Variants in SLC44A3 observed in about 807,000 individuals in gnomAD.
SLC44A3 encodes solute carrier family 44 member 3.
Under a neutral mutation model 75.4 loss-of-function variants are expected in SLC44A3, and 74 were observed. That is an observed-to-expected ratio of 0.98 (90% CI 0.81 to 1.19). The LOEUF is 1.19. Ranked by LOEUF, SLC44A3 falls within the 50% of genes most tolerant of loss-of-function variation. The pLI is 0.00. For synonymous variants in SLC44A3, 310 were observed against 296.9 expected (o/e 1.04, Z -0.45); for missense variants, 700 against 778.6 (o/e 0.90, Z 1.20).
chr1:94,840,079 GA>G, intron 7 of SLC44A3, 42 bp downstream of exon 7: 1 of 1,541,244 alleles, frequency 6.5e-7, no homozygotes, highest in Non-Finnish European at 9.0e-7. Context: ...TCGATTAAAT[GA>G]AAAGCCTTTA....
rs769836919 is a variant in SLC44A3, at chr1:94,827,588, C to T, written c.360C>T (p.Cys120=). 42 of 1,614,086 alleles carry T rather than the reference C, an allele frequency of 2.6e-5. No individual in the cohort carries two copies. The South Asian group carries it at 4.1e-4, about 16-fold the overall frequency. ...GCATGGCCCTCTGTGTATCCAACTG[C>T]CCTGAAGAGCAGCTTGACTCCCTGG... is the stretch of plus-strand genomic sequence containing the variant. The part of the protein sequence containing the change: ...LNRMALCVSN[C]PEEQLDSLEE... The change falls in exon 4 of 15, where the codon TGC becomes TGT. Residue 120 remains cysteine (C), a synonymous_variant. Coordinates refer to ENST00000271227, the MANE Select transcript of SLC44A3 (RefSeq NM_001114106.3).
At chr1:94,868,472 T>C (rs1234327359) in intron 12 of SLC44A3, among the ~76,000 whole-genome samples, 3 of 152,184 alleles carry the variant, frequency 2.0e-5, no homozygotes, top group Non-Finnish European at 4.4e-5. Context: ...AGAGTATATT[T>C]AGTTTTCATT....
At chr1:94,869,111 A>G (rs990958738) in intron 12 of SLC44A3, among the ~76,000 whole-genome samples, 1 of 152,252 alleles carries the variant, frequency 6.6e-6, no homozygotes, top group Admixed American at 6.5e-5. Flanking sequence ...GCTGAAACAC[A>G]TTTGAAAACC....
chr1:94,894,182 T>G (rs1670522084), intron 14 of SLC44A3, among the ~76,000 whole-genome samples: 1 of 152,190 alleles, frequency 6.6e-6, no homozygotes, highest in South Asian at 2.1e-4. Context: ...AAGGATCCAG[T>G]TATCTGAAAT....
intron 12 of SLC44A3, among the ~76,000 whole-genome samples, chr1:94,879,550 A>C (rs1668713485): frequency 6.8e-6 from 1 of 146,350 alleles, no homozygotes; most frequent in South Asian, 2.2e-4. Context: ...AAAAAAAAAA[A>C]AAAAAAAGGC....
intron 12 of SLC44A3, among the ~76,000 whole-genome samples, chr1:94,876,840 C>T (rs1185228451): frequency 2.0e-5 from 3 of 152,210 alleles, no homozygotes; most frequent in Non-Finnish European, 4.4e-5. Flanking sequence ...CTTGAGCTAT[C>T]CCTCCTCGGA....
At chr1:94,840,479 G>A (rs1485376822) in intron 7 of SLC44A3, among the ~76,000 whole-genome samples, 1 of 151,472 alleles carries the variant, frequency 6.6e-6, no homozygotes, top group African/African-American at 2.4e-5. Flanking sequence ...TTGTAGAGAC[G>A]GGGTTTTGCC....
At chr1:94,859,449 C>G (rs1394042557) in intron 10 of SLC44A3, among the ~76,000 whole-genome samples, 1 of 152,152 alleles carries the variant, frequency 6.6e-6, no homozygotes, top group Non-Finnish European at 1.5e-5. Flanking sequence ...CCTAAGCCCG[C>G]TGGAGAAAGC....
chr1:94,833,162 G>A (rs1178609326), intron 5 of SLC44A3, among the ~76,000 whole-genome samples: 5 of 152,074 alleles, frequency 3.3e-5, no homozygotes, highest in African/African-American at 9.7e-5. Flanking sequence ...GCTGAAACAG[G>A]TTTTGTCTAA....
At position 94,821,038 on chromosome 1, in the gene SLC44A3, T is replaced by C; in HGVS notation, c.117T>C (p.Phe39=). ...ATACGGCATGGTTATTCCTGTTCTTTCTCTTTTGGACTGGTTTGGTAAGTG... is the reference window on the plus strand; with the variant it reads ...ATACGGCATGGTTATTCCTGTTCTTCCTCTTTTGGACTGGTTTGGTAAGTG... ...CTDTAWLFLF[F]LFWTGLVFIM... is the part of the protein sequence containing the mutation. Residue 39 remains phenylalanine, a synonymous_variant, in exon 2 of 15, where the codon TTT becomes TTC. Coordinates refer to ENST00000271227, the MANE Select transcript of SLC44A3 (RefSeq NM_001114106.3). 6.4e-7 allele frequency: 1 copy of C among 1,551,382 alleles called. No individual in the cohort carries two copies. The highest frequency in any genetic ancestry group is 8.7e-7 in the Non-Finnish European group (1 of 1,146,786).
intron 11 of SLC44A3, among the ~76,000 whole-genome samples, 183 bp from the exon 12 acceptor site, chr1:94,867,148 T>TTGC (rs1245135119): frequency 6.6e-6 from 1 of 152,174 alleles, no homozygotes; most frequent in Non-Finnish European, 1.5e-5. Flanking sequence ...GACAGAAATG[T>TTGC]TGCTCCTCAG....
Position 94,824,541 on chromosome 1 carries a change from C to G in SLC44A3, c.184C>G (p.Leu62Val). Residue 62 changes from leucine (L) to valine (V), a missense_variant, in exon 3 of 15, where the codon CTC becomes GTC. Leu to Val is a conservative substitution (Grantham distance 32, BLOSUM62 1). Transcript: ENST00000271227. Reference protein sequence around the residue: ...SVVAGAAGRLLFGYDSFGNMC... With the variant: ...SVVAGAAGRLVFGYDSFGNMC... ...GGTGGCTGGAGCCGCGGGAAGACTC[C>G]TCTTTGGCTATGACAGCTTTGGCAA... is the stretch of plus-strand genomic sequence containing the variant. 1 of 1,612,200 alleles carries G rather than the reference C, an allele frequency of 6.2e-7. No individual in the cohort carries two copies. Among genetic ancestry groups the G allele is most frequent in the Non-Finnish European group, 8.5e-7 (1 of 1,179,566 alleles).
chr1:94,820,520 G>A (rs1415828298), intron 1 of SLC44A3, 42 bp downstream of exon 1: 11 of 1,485,230 alleles, frequency 7.4e-6, no homozygotes, highest in Admixed American at 4.3e-5. Context: ...GGAGCCCCGG[G>A]GAAGGGTCGA....
chr1:94,878,166 C>T (rs1240760339), intron 12 of SLC44A3, among the ~76,000 whole-genome samples: 3 of 151,802 alleles, frequency 2.0e-5, no homozygotes, highest in African/African-American at 7.3e-5. Context: ...CCCCAGGGGG[C>T]GGAGCCTGCA....
chr1:94,887,180 A>G (rs556031973), intron 12 of SLC44A3, among the ~76,000 whole-genome samples: 1 of 152,250 alleles, frequency 6.6e-6, no homozygotes, highest in South Asian at 2.1e-4. Flanking sequence ...GCAAATACAA[A>G]TGCTCAGAAC....
At chr1:94,821,342 C>A (rs779668261) in intron 2 of SLC44A3, among the ~76,000 whole-genome samples, 2 of 152,212 alleles carry the variant, frequency 1.3e-5, no homozygotes, top group Non-Finnish European at 2.9e-5. Context: ...CTTTTACTCT[C>A]CGAACTTACT....
At chr1:94,850,049 G>A (rs532921999) in intron 9 of SLC44A3, among the ~76,000 whole-genome samples, 1 of 152,238 alleles carries the variant, frequency 6.6e-6, no homozygotes, top group African/African-American at 2.4e-5. Context: ...AAATAGTTGT[G>A]TCAGATGGTT....
At chr1:94,842,184 C>A in intron 8 of SLC44A3, 60 bp downstream of exon 8, 1 of 1,505,016 alleles carries the variant, frequency 6.6e-7, no homozygotes, top group South Asian at 1.4e-5. Flanking sequence ...AAATCCAAAT[C>A]ATTGAATTCT....
At chr1:94,849,250 G>A (rs1571273961) in intron 9 of SLC44A3, among the ~76,000 whole-genome samples, 1 of 152,162 alleles carries the variant, frequency 6.6e-6, no homozygotes, top group African/African-American at 2.4e-5. Context: ...CAGTAGAGGG[G>A]CCAGAAAGGA....
Sources: gnomAD v4.1 joint callset for allele counts (sites outside exome capture counted in the v4.1 genomes callset) on GRCh38, gnomAD v4.1.1 for gene constraint, MANE v1.5 for transcripts, NCBI Gene and HGNC (gene_info 2026-07-23, HGNC 2026-07-21) for gene names.